TXNDC5: variants seen among roughly 807,000 people sequenced by gnomAD.
TXNDC5 encodes thioredoxin domain-containing protein 5.
A neutral mutation model predicts 52.6 loss-of-function variants in TXNDC5; 44 were observed. That is an observed-to-expected ratio of 0.84 (90% CI 0.66 to 1.08). The LOEUF (loss-of-function observed/expected upper bound fraction) is 1.08. Ranked by LOEUF, TXNDC5 falls within the 50% of genes least tolerant of loss-of-function variation. The pLI is 0.00. For missense variants in TXNDC5, 600 were observed against 565.5 expected (o/e 1.06, Z -0.62); for synonymous variants, 241 against 234.4 (o/e 1.03, Z -0.26).
chr6:7,895,318 C>G (rs982717801), intron 3 of TXNDC5, 116 bp from the exon 4 acceptor site: 1 of 860,040 alleles, frequency 1.2e-6, no homozygotes, highest in Non-Finnish European at 1.8e-6. Context: ...ACCCAACAAC[C>G]TGGAACCCTT....
chr6:7,903,829 T>C (rs1377681345), intron 2 of TXNDC5, among the ~76,000 whole-genome samples: 1 of 152,244 alleles, frequency 6.6e-6, no homozygotes, highest in Non-Finnish European at 1.5e-5. Flanking sequence ...ATGGTGTGAA[T>C]GGGCATGTGT....
chr6:7,904,479 T>A, intron 2 of TXNDC5, 95 bp downstream of exon 2: 1 of 1,499,200 alleles, frequency 6.7e-7, no homozygotes, highest in Non-Finnish European at 9.0e-7. Context: ...CTGCTTAAAT[T>A]TAGTATCTCT....
At position 7,904,557 on chromosome 6, in the gene TXNDC5, C is replaced by T. The variant is rs1423299957; in HGVS notation, c.413+17G>A. ...CAGGAGCCACCTAGGAAGTGTGCCC[C>T]CTTCCTTCCAACTTACGTGGGGTAT... is the stretch of plus-strand genomic sequence containing the variant. On this transcript the variant is annotated intron_variant, in intron 2 of 9. Transcript: ENST00000379757. 2 of 1,613,096 alleles carry T rather than the reference C, an allele frequency of 1.2e-6. No individual in the cohort carries two copies.
chr6:7,884,628 C>T (rs1476741980), intron 8 of TXNDC5, 140 bp from the exon 9 acceptor site: 1 of 1,174,380 alleles, frequency 8.5e-7, no homozygotes, highest in Non-Finnish European at 1.2e-6. Flanking sequence ...CCAAATTCTC[C>T]CACTGGGTGC....
At chr6:7,884,892 G>T (rs1561805077) in intron 8 of TXNDC5, among the ~76,000 whole-genome samples, 1 of 152,180 alleles carries the variant, frequency 6.6e-6, no homozygotes, top group Non-Finnish European at 1.5e-5. Context: ...ATTGCTTATG[G>T]TCTCACAATT....
intron 1 of TXNDC5, among the ~76,000 whole-genome samples, chr6:7,907,893 C>A (rs1561816856): frequency 6.6e-6 from 1 of 152,206 alleles, no homozygotes; most frequent in Non-Finnish European, 1.5e-5. Flanking sequence ...ACTGCAGTAT[C>A]TGCAGTTTTC....
At chr6:7,887,184 T>G (rs114294898) in intron 7 of TXNDC5, among the ~76,000 whole-genome samples, 1 of 151,914 alleles carries the variant, frequency 6.6e-6, no homozygotes, top group Admixed American at 6.6e-5. Context: ...TGAGGAGGCC[T>G]GGTGTGGCCC....
At position 7,895,095 on chromosome 6, in the gene TXNDC5, G is replaced by A. The variant is rs1456170012; in HGVS notation, c.616+11C>T. 1.9e-5 allele frequency: 30 copies of A among 1,612,670 alleles called. No homozygotes were observed. The highest frequency in any genetic ancestry group is 2.4e-5 in the Non-Finnish European group (28 of 1,179,364). ...GATTCTCTGAAGCTGGCATCAGGACGTCCCCCTTACCTTGTGCAACGTGCA... is the reference window on the plus strand; with the variant it reads ...GATTCTCTGAAGCTGGCATCAGGACATCCCCCTTACCTTGTGCAACGTGCA... On this transcript the variant is annotated intron_variant, in intron 4 of 9. Transcript: ENST00000379757.
chr6:7,889,005 G>A (rs1760101712), intron 6 of TXNDC5, 157 bp from the exon 7 acceptor site: 2 of 949,656 alleles, frequency 2.1e-6, no homozygotes, highest in Non-Finnish European at 3.0e-6. Flanking sequence ...AATGTAGAGA[G>A]GATAACTGAA....
intron 3 of TXNDC5, among the ~76,000 whole-genome samples, 172 bp from the exon 4 acceptor site, chr6:7,895,374 C>T (rs780450910): frequency 1.3e-5 from 2 of 152,108 alleles, no homozygotes; most frequent in Non-Finnish European, 2.9e-5. Flanking sequence ...GAACTGATCT[C>T]GTCAAGCCCT....
intron 4 of TXNDC5, 129 bp downstream of exon 4, chr6:7,894,977 C>G: frequency 1.4e-6 from 2 of 1,459,812 alleles, no homozygotes; most frequent in Non-Finnish European, 1.8e-6. Context: ...AACAGCTCCT[C>G]TAGAGTGACC....
Position 7,904,706 on chromosome 6 carries a change from C to T in TXNDC5, c.281G>A (p.Arg94Gln), listed in dbSNP as rs141197014. ...CAGGTCATTCCAAGTCGGCTGCAGC[C>T]GCTGGCAGTGTCCACACCTGGAACA... ...FFAPWCGHCQRLQPTWNDLGD... is the reference protein window; with the variant it reads ...FFAPWCGHCQQLQPTWNDLGD... The change falls in exon 2 of 10, where the codon CGG (arginine) becomes CAG (glutamine). Residue 94 changes from arginine (R) to glutamine (Q), a missense_variant. By Grantham distance (43) the Arg-to-Gln change is conservative. Transcript: ENST00000379757. 4.6e-5 allele frequency: 75 copies of T among 1,614,212 alleles called. No individual in the cohort carries two copies. The highest frequency in any genetic ancestry group is 1.2e-4 in the Admixed American group (7 of 60,024).
At chr6:7,891,430 C>T (rs1760186037) in intron 5 of TXNDC5, among the ~76,000 whole-genome samples, 191 bp downstream of exon 5, 1 of 152,178 alleles carries the variant, frequency 6.6e-6, no homozygotes, top group African/African-American at 2.4e-5. Context: ...TATCTCTAGG[C>T]TGTGGAAAAG....
At position 7,891,708 on chromosome 6, in the gene TXNDC5, C is replaced by T. The variant is rs145727157; in HGVS notation, c.645G>A (p.Pro215=). The T allele has an allele frequency of 3.4e-4, 549 of 1,613,798 alleles. 1 individual carries two copies. The highest frequency in any genetic ancestry group is 2.6e-4 in the Non-Finnish European group (312 of 1,179,810). Residue 215 remains proline, a synonymous_variant, in exon 5 of 10, where the codon CCG becomes CCA. Transcript: ENST00000379757. Reference sequence around the variant, plus strand: ...CCAGGGCTTTGCAGTGACCACACCACGGAGCGAAGAACTTGATAAAGTGGT... The same window carrying T: ...CCAGGGCTTTGCAGTGACCACACCATGGAGCGAAGAACTTGATAAAGTGGT... ...QGDHFIKFFA[P]WCGHCKALAP...
chr6:7,898,445 C>T (rs1439990645), intron 3 of TXNDC5, among the ~76,000 whole-genome samples: 2 of 152,092 alleles, frequency 1.3e-5, no homozygotes, highest in African/African-American at 2.4e-5. Flanking sequence ...TGGGGCAGAG[C>T]GGAAGAGCCG....
intron 5 of TXNDC5, among the ~76,000 whole-genome samples, chr6:7,889,805 T>C (rs772675672): frequency 1.3e-5 from 2 of 152,216 alleles, no homozygotes; most frequent in Non-Finnish European, 2.9e-5. Flanking sequence ...GCAAGATTTA[T>C]TGTATTAATA....
intron 6 of TXNDC5, chr6:7,889,143 A>C: frequency 2.2e-6 from 1 of 454,116 alleles, no homozygotes; most frequent in Non-Finnish European, 3.9e-6. Flanking sequence ...GCTGCTGACC[A>C]TCGGCCAGGG....
At chr6:7,891,847 T>C in intron 4 of TXNDC5, 111 bp from the exon 5 acceptor site, 2 of 720,098 alleles carry the variant, frequency 2.8e-6, no homozygotes, top group East Asian at 5.6e-5. Flanking sequence ...TAGCAAATCT[T>C]AGTTCGGCAT....
chr6:7,910,634 C>T lies in TXNDC5; in HGVS notation c.143G>A (p.Gly48Glu). Residue 48 changes from glycine to glutamate, a missense_variant, in exon 1 of 10, where the codon GGG becomes GAG. Physicochemically the swap from Gly to Glu is moderately conservative, Grantham distance 98. Coordinates refer to ENST00000379757, the MANE Select transcript of TXNDC5 (RefSeq NM_030810.5). Reference sequence around the variant, plus strand: ...GTCCTCGCCGTCTGCCGCGGGGGGCCCGTCCGCCGCCGCCGCCGCCGCCTC... The same window carrying T: ...GTCCTCGCCGTCTGCCGCGGGGGGCTCGTCCGCCGCCGCCGCCGCCGCCTC... The part of the protein sequence containing the change: ...AQEAAAAAAD[G>E]PPAADGEDGQ... 2 of 1,324,056 alleles carry T rather than the reference C, an allele frequency of 1.5e-6. No individual in the cohort carries two copies. The highest frequency in any genetic ancestry group is 1.7e-5 in the South Asian group (1 of 58,602). 82.0% of individuals were successfully genotyped at this position (1,324,056 alleles called of 1,614,324 possible). A position where few individuals can be genotyped will look rare whatever the true frequency, so the allele number is the denominator to read the frequency against.
Sources: allele counts gnomAD v4.1 joint callset (sites outside exome capture counted in the v4.1 genomes callset), GRCh38; gene constraint gnomAD v4.1.1; transcripts MANE v1.5; gene names NCBI Gene and HGNC (gene_info 2026-07-23, HGNC 2026-07-21).